KRAS: variants seen among roughly 807,000 people sequenced by gnomAD.
The protein encoded by KRAS is GTPase KRas.
In KRAS, 1 loss-of-function variant was observed where a neutral mutation model predicts 21.0. The ratio of observed to expected loss-of-function variants is 0.05; its 90% CI spans 0.02 to 0.23. The LOEUF (loss-of-function observed/expected upper bound fraction) is 0.23. KRAS is among the 10% of genes least tolerant of loss of function. The probability of loss-of-function intolerance (pLI) is 1.00; values close to 1 mark genes in which losing one functional copy is unlikely to be tolerated. For missense variants in KRAS, 107 were observed against 221.8 expected (o/e 0.48, Z 3.29); for synonymous variants, 67 against 72.5 (o/e 0.92, Z 0.39).
chr12:25,228,991 G>A (rs899635446), intron 2 of KRAS, among the ~76,000 whole-genome samples: 5 of 152,172 alleles, frequency 3.3e-5, no homozygotes, highest in South Asian at 2.1e-4. Context: ...CCCGGGAGGC[G>A]GAGGTTGCAG....
chr12:25,225,503 ATTGTT>A (rs1951381270), intron 4 of KRAS, 106 bp downstream of exon 4: 1 of 1,091,996 alleles, frequency 9.2e-7, no homozygotes, highest in Non-Finnish European at 1.4e-6. Context: ...TTTACTAAAT[ATTGTT>A]TTATTTCCTA....
intron 2 of KRAS, among the ~76,000 whole-genome samples, chr12:25,241,253 A>G (rs748817802): frequency 3.3e-5 from 5 of 152,232 alleles, no homozygotes; most frequent in Non-Finnish European, 5.9e-5. Context: ...CAATCATATA[A>G]GACTTTTAAA....
At position 25,209,122 on chromosome 12, in the gene KRAS, A is replaced by T. The variant is rs1951175948; in HGVS notation, c.*673T>A. The T allele has an allele frequency of 3.6e-6, 2 of 557,216 alleles. No homozygotes were observed. The highest frequency in any genetic ancestry group is 6.3e-6 in the Non-Finnish European group (2 of 315,636). The allele number at this position is 557,216 out of a possible 1,614,324, so 34.5% of individuals were successfully genotyped here. A position where few individuals can be genotyped will look rare whatever the true frequency, so the allele number is the denominator to read the frequency against. On this transcript the variant is annotated 3_prime_UTR_variant, in exon 5 of 5. Transcript: ENST00000311936. ...TAGGAGTCTTTATAGTAATTTATCT[A>T]ATGTGAAAAGGAAATGGCCTTATAA...
chr12:25,216,984 T>C (rs902327878), intron 4 of KRAS, among the ~76,000 whole-genome samples: 1 of 152,222 alleles, frequency 6.6e-6, no homozygotes, highest in Non-Finnish European at 1.5e-5. Flanking sequence ...GGGAATTCTA[T>C]TCTTTTATCT....
intron 2 of KRAS, among the ~76,000 whole-genome samples, chr12:25,239,377 G>A (rs772209783): frequency 3.9e-5 from 6 of 152,054 alleles, no homozygotes; most frequent in Non-Finnish European, 8.8e-5. Context: ...CCAAATGTTT[G>A]CCTTAATGGT....
At chr12:25,237,549 G>C (rs992173248) in intron 2 of KRAS, among the ~76,000 whole-genome samples, 1 of 152,102 alleles carries the variant, frequency 6.6e-6, no homozygotes, top group African/African-American at 2.4e-5. Flanking sequence ...TACATGTCTG[G>C]TGCTCAGGAC....
At chr12:25,236,804 A>G (rs570306924) in intron 2 of KRAS, among the ~76,000 whole-genome samples, 1 of 152,266 alleles carries the variant, frequency 6.6e-6, no homozygotes, top group African/African-American at 2.4e-5. Context: ...GTAGGAATGT[A>G]AACAGTACAA....
chr12:25,206,430 G>C lies in KRAS; in HGVS notation c.*3365C>G, dbSNP rs748503781. On this transcript the variant is annotated 3_prime_UTR_variant, in exon 5 of 5. Transcript: ENST00000311936. The stretch of plus-strand genomic sequence containing the variant: ...AACAAGGATTTTTGTCTTTAAGGCT[G>C]TAATAATTAGGTAACATTTATTTCT... 6.4e-5 allele frequency: 13 copies of C among 203,698 alleles called. No homozygotes were observed. Among genetic ancestry groups the C allele is most frequent in the Non-Finnish European group, 1.2e-4 (12 of 99,482 alleles). 12.6% of individuals were successfully genotyped at this position (203,698 alleles called of 1,614,324 possible). A position where few individuals can be genotyped will look rare whatever the true frequency, so the allele number is the denominator to read the frequency against.
intron 3 of KRAS, 78 bp downstream of exon 3, chr12:25,227,156 T>A (rs1951404165): frequency 2.1e-6 from 2 of 955,520 alleles, no homozygotes; most frequent in African/African-American, 1.7e-5. Flanking sequence ...ATTATATGCA[T>A]GGCATTAGCA....
intron 3 of KRAS, 77 bp downstream of exon 3, chr12:25,227,157 G>T: frequency 1.0e-6 from 1 of 960,718 alleles, no homozygotes; most frequent in Non-Finnish European, 1.6e-6. Flanking sequence ...TTATATGCAT[G>T]GCATTAGCAA....
At chr12:25,249,253 C>T (rs2135812220) in intron 1 of KRAS, among the ~76,000 whole-genome samples, 1 of 152,106 alleles carries the variant, frequency 6.6e-6, no homozygotes, top group Admixed American at 6.5e-5. Flanking sequence ...AAAAATTAGC[C>T]GGGCATGGCA....
intron 4 of KRAS, chr12:25,225,329 T>A: frequency 8.1e-6 from 1 of 122,862 alleles, no homozygotes; most frequent in Non-Finnish European, 1.6e-5. Context: ...TATATATATA[T>A]ATATATGTAA....
In KRAS at chr12:25,206,718, AATC is replaced by A. The variant is rs1370072242; in HGVS notation, c.*3074_*3076del. On this transcript the variant is annotated 3_prime_UTR_variant, in exon 5 of 5. Transcript: ENST00000311936. The stretch of plus-strand genomic sequence containing the variant: ...CTGTAGTTTCACATAGCAATTCAGA[AATC>A]ATAGTGATTTTTACATAGAAGTTTC... 1.0e-5 allele frequency: 2 copies of A among 197,962 alleles called. No homozygotes were observed. The highest frequency in any genetic ancestry group is 2.1e-5 in the Non-Finnish European group (2 of 95,742). 12.3% of individuals were successfully genotyped at this position (197,962 alleles called of 1,614,324 possible). A position where few individuals can be genotyped will look rare whatever the true frequency, so the allele number is the denominator to read the frequency against.
intron 4 of KRAS, among the ~76,000 whole-genome samples, chr12:25,213,352 G>A (rs985460307): frequency 6.6e-6 from 1 of 152,076 alleles, no homozygotes; most frequent in Non-Finnish European, 1.5e-5. Context: ...ACAATAGGAG[G>A]AGAAAATAAA....
intron 2 of KRAS, among the ~76,000 whole-genome samples, chr12:25,242,366 T>G (rs1308043943): frequency 6.6e-6 from 1 of 152,152 alleles, no homozygotes; most frequent in Non-Finnish European, 1.5e-5. Flanking sequence ...AAACGAGACT[T>G]TTCCTCTTCC....
intron 4 of KRAS, among the ~76,000 whole-genome samples, chr12:25,219,783 C>T (rs968702654): frequency 6.6e-6 from 1 of 152,090 alleles, no homozygotes; most frequent in Admixed American, 6.5e-5. Flanking sequence ...GTAACTGTTC[C>T]GTCAATTTTT....
intron 2 of KRAS, chr12:25,234,638 A>G (rs1592814893): frequency 5.3e-6 from 1 of 187,906 alleles, no homozygotes; most frequent in African/African-American, 2.3e-5. Flanking sequence ...TGACTTGCAT[A>G]ATTTTTTTAA....
chr12:25,235,335 C>T (rs749074064), intron 2 of KRAS: 19 of 405,916 alleles, frequency 4.7e-5, no homozygotes, highest in Non-Finnish European at 6.8e-5. Flanking sequence ...CCGCACTTTC[C>T]GTTTATAAGC....
chr12:25,247,498 A>G (rs1250855116), intron 1 of KRAS, among the ~76,000 whole-genome samples: 1 of 152,168 alleles, frequency 6.6e-6, no homozygotes, highest in Non-Finnish European at 1.5e-5. Flanking sequence ...TCCACGCTTT[A>G]TTTCAAATGT....
Sources: allele counts gnomAD v4.1 joint callset (sites outside exome capture counted in the v4.1 genomes callset), GRCh38; gene constraint gnomAD v4.1.1; transcripts MANE v1.5; gene names NCBI Gene and HGNC (gene_info 2026-07-23, HGNC 2026-07-21).